Variants in ZNF584 observed in about 807,000 individuals in gnomAD.
ZNF584 encodes zinc finger protein 584.
In ZNF584, 12 loss-of-function variants were observed where a neutral mutation model predicts 14.7. The ratio of observed to expected loss-of-function variants is 0.82; its 90% CI spans 0.52 to 1.32. The LOEUF (loss-of-function observed/expected upper bound fraction) is 1.32. Among genes scored for constraint, ZNF584 ranks in the 40% most tolerant of loss-of-function variants. The pLI is 0.00. For missense variants in ZNF584, 478 were observed against 518.8 expected, an observed-to-expected ratio of 0.92 and a Z score of 0.76; for synonymous variants, 204 against 190.9, an observed-to-expected ratio of 1.07 and a Z score of -0.57.
chr19:58,415,669 C>T, intron 3 of ZNF584, 23 bp downstream of exon 3: 7 of 1,610,490 alleles, frequency 4.3e-6, no homozygotes, highest in Non-Finnish European at 5.9e-6. Flanking sequence ...GAGGGGAATA[C>T]CTTGGTTTCA....
rs2052500769 is a variant in ZNF584, at chr19:58,408,800, C to T, written c.-348C>T. The T allele has an allele frequency of 8.0e-6, 2 of 250,070 alleles. No individual in the cohort carries two copies. Among genetic ancestry groups the T allele is most frequent in the Non-Finnish European group, 1.5e-5 (2 of 129,278 alleles). 15.5% of individuals were successfully genotyped at this position (250,070 alleles called of 1,614,324 possible). A position where few individuals can be genotyped will look rare whatever the true frequency, so the allele number is the denominator to read the frequency against. On this transcript the variant is annotated 5_prime_UTR_variant, in exon 1 of 4. Coordinates refer to ENST00000306910, the MANE Select transcript of ZNF584 (RefSeq NM_173548.3). ...GCAGTCCTCGGCGGGAAGGCTGTCC[C>T]GGCGCCTCAGGCAGCTCTGCGTGGG...
intron 1 of ZNF584, 106 bp downstream of exon 1, chr19:58,409,271 G>A (rs758174686): frequency 2.7e-4 from 345 of 1,273,000 alleles, no homozygotes; most frequent in Non-Finnish European, 3.4e-4. Context: ...TGATTCCAGG[G>A]GGAGGTCTTT....
At chr19:58,411,967 T>A (rs958116165) in intron 2 of ZNF584, among the ~76,000 whole-genome samples, 2 of 148,932 alleles carry the variant, frequency 1.3e-5, no homozygotes, top group Non-Finnish European at 3.0e-5. Context: ...TGTCATGGCT[T>A]ATAATACTTG....
chr19:58,417,821 G>A lies in ZNF584; in HGVS notation c.*37G>A, dbSNP rs772007777. ...TCAGGAAAGGTCTTATTCCAGAAAG[G>A]AGGTTAAGGAGAGTGGCCGTGAGAG... On this transcript the variant is annotated 3_prime_UTR_variant, in exon 4 of 4. Transcript: ENST00000306910. The A allele has an allele frequency of 6.4e-7, 1 of 1,554,248 alleles. No individual in the cohort carries two copies.
At chr19:58,409,793 G>C (rs1182466626) in intron 1 of ZNF584, 148 bp from the exon 2 acceptor site, 1 of 890,604 alleles carries the variant, frequency 1.1e-6, no homozygotes, top group Admixed American at 2.2e-5. Flanking sequence ...GTATGTGTAG[G>C]GAGTAAGGTG....
intron 2 of ZNF584, among the ~76,000 whole-genome samples, chr19:58,412,197 G>GTTTTTTTTTTTTTTTTTTT (rs1555785792): frequency 2.0e-5 from 2 of 97,976 alleles, no homozygotes; most frequent in African/African-American, 1.1e-4. Flanking sequence ...GGCCAGGGTG[G>GTTTTTTTTTTTTTTTTTTT]TCTTTTTTTT....
At chr19:58,416,068 C>G (rs2052638730) in intron 3 of ZNF584, 2 of 1,149,808 alleles carry the variant, frequency 1.7e-6, no homozygotes, top group East Asian at 5.1e-5. Context: ...CAAGGCCCTG[C>G]TGAAACCCTT....
chr19:58,415,281 C>A (rs2052627267), intron 2 of ZNF584, among the ~76,000 whole-genome samples: 1 of 152,116 alleles, frequency 6.6e-6, no homozygotes, highest in Non-Finnish European at 1.5e-5. Context: ...CTTTGACCTC[C>A]TAGGCTCAAG....
Position 58,417,250 on chromosome 19 carries a change from T to C in ZNF584, c.732T>C (p.Cys244=), listed in dbSNP as rs770718301. Reference sequence around the variant, plus strand: ...ACACAGGCATAAAACCTTTTAAGTGTAGTGACTGTGGTAAAACCTTCAACC... The same window carrying C: ...ACACAGGCATAAAACCTTTTAAGTGCAGTGACTGTGGTAAAACCTTCAACC... ...KVHTGIKPFK[C]SDCGKTFNRK... is the part of the protein sequence containing the mutation. The change falls in exon 4 of 4, where the codon TGT becomes TGC. Residue 244 remains cysteine, a synonymous_variant. Coordinates refer to ENST00000306910, the MANE Select transcript of ZNF584 (RefSeq NM_173548.3). 29 of 1,614,096 alleles carry C rather than the reference T, an allele frequency of 1.8e-5. No individual in the cohort carries two copies. In the East Asian group the frequency reaches 2.7e-4, roughly 15 times the overall value.
chr19:58,404,573 C>T (rs1402417200), upstream of ZNF584: 2 of 189,966 alleles, frequency 1.1e-5, no homozygotes, highest in Middle Eastern at 2.3e-3. Flanking sequence ...TCAACAGGAT[C>T]CCAAGGCAGA....
At chr19:58,415,119 T>C (rs2052624956) in intron 2 of ZNF584, among the ~76,000 whole-genome samples, 1 of 152,040 alleles carries the variant, frequency 6.6e-6, no homozygotes, top group Admixed American at 6.6e-5. Flanking sequence ...AGTCTTGATC[T>C]CCTGACCTCG....
intron 1 of ZNF584, among the ~76,000 whole-genome samples, chr19:58,401,906 A>AAAAAAAATT (rs1386954920): frequency 1.7e-5 from 2 of 118,538 alleles, no homozygotes; most frequent in East Asian, 2.3e-4. Context: ...AAAAAAAAAG[A>AAAAAAAATT]TTTTTTTTTT....
At chr19:58,401,566 C>A (rs566796722), upstream of ZNF584, 1 of 152,304 alleles carries the variant, frequency 6.6e-6, no homozygotes, top group East Asian at 1.9e-4. Context: ...ACAGTGAGCA[C>A]CAGCACTCCG....
rs753621623 is a variant in ZNF584 at position 58,415,620 on chromosome 19, C to T, written c.266C>T (p.Ala89Val). The T allele has an allele frequency of 1.2e-6, 2 of 1,614,092 alleles. No homozygotes were observed. Among genetic ancestry groups the T allele is most frequent in the Admixed American group, 1.7e-5 (1 of 60,010 alleles). The change falls in exon 3 of 4, where the codon GCA becomes GTA. Residue 89 changes from alanine to valine, a missense_variant. Physicochemically the swap from Ala to Val is moderately conservative, Grantham distance 64. This residue lies in a region of ZNF584 where 189 missense variants were observed against 177.9 expected (regional missense o/e 1.06). Transcript: ENST00000306910. ...GTGGATGTGACTCCAGTCAGCAGAG[C>T]AGAAGCCAGGAGAGGTTTTGGTCTT... ...SWVDVTPVSRAEARRGFGLDG... is the reference protein window; with the variant it reads ...SWVDVTPVSRVEARRGFGLDG...
intron 2 of ZNF584, among the ~76,000 whole-genome samples, chr19:58,413,806 TTTTTC>T (rs1182212283): frequency 2.0e-5 from 3 of 151,636 alleles, no homozygotes; most frequent in East Asian, 1.9e-4. Flanking sequence ...GCCTGTTGTA[TTTTTC>T]TTTTCTTTTC....
At chr19:58,402,316 G>A (rs1288594700) in intron 1 of ZNF584, among the ~76,000 whole-genome samples, 2 of 152,136 alleles carry the variant, frequency 1.3e-5, no homozygotes, top group Non-Finnish European at 2.9e-5. Context: ...GGAGCAGAGG[G>A]TGGTGGGAGA....
chr19:58,416,479 C>T (rs938732280), intron 3 of ZNF584: 13 of 195,156 alleles, frequency 6.7e-5, no homozygotes, highest in Non-Finnish European at 1.2e-4. Context: ...TCTCAGCTCA[C>T]TGCAGCCTCT....
rs1370470283 is a variant in ZNF584 at position 58,410,107 on chromosome 19, T to C, written c.169+16T>C. 1 of 1,596,092 alleles carries C rather than the reference T, an allele frequency of 6.3e-7. No individual in the cohort carries two copies. The highest frequency in any genetic ancestry group is 8.5e-7 in the Non-Finnish European group (1 of 1,171,078). On this transcript the variant is annotated intron_variant, in intron 2 of 3. Transcript: ENST00000306910. ...AGCTCACTGGGTAAGTCTCTTACAC[T>C]GTCCCCCAGCACACTGACTACCCCC...
At position 58,417,618 on chromosome 19, in the gene ZNF584, C is replaced by G; in HGVS notation, c.1100C>G (p.Ser367Cys). Residue 367 changes from serine (S) to cysteine (C), a missense_variant, in exon 4 of 4, where the codon TCC becomes TGC. Ser to Cys is a moderately radical substitution (Grantham distance 112). Coordinates refer to ENST00000306910, the MANE Select transcript of ZNF584 (RefSeq NM_173548.3). ...TGTGGGAAAACCTTCACTACCAGAT[C>G]CTACCGCAATCGGCACCAGCAGTTC... is the stretch of plus-strand genomic sequence containing the variant. ...SLCGKTFTTRSYRNRHQQFHT... is the reference protein window; with the variant it reads ...SLCGKTFTTRCYRNRHQQFHT... The G allele has an allele frequency of 1.2e-6, 2 of 1,614,156 alleles. No homozygotes were observed. Among genetic ancestry groups the G allele is most frequent in the Non-Finnish European group, 1.7e-6 (2 of 1,180,026 alleles).
Sources: gnomAD v4.1 joint callset for allele counts (sites outside exome capture counted in the v4.1 genomes callset) on GRCh38, gnomAD v4.1.1 for gene constraint, gnomAD v4.1.1 regional missense constraint, MANE v1.5 for transcripts, NCBI Gene and HGNC (gene_info 2026-07-23, HGNC 2026-07-21) for gene names.